Variants in CFAP299 observed in about 807,000 individuals in gnomAD.
The protein encoded by CFAP299 is cilia and flagella associated protein 299, also known as cilia- and flagella-associated protein 299.
Under a neutral mutation model 27.0 loss-of-function variants are expected in CFAP299, and 21 were observed. That is an observed-to-expected ratio of 0.78 (90% CI 0.55 to 1.12). The LOEUF is 1.12. Among genes scored for constraint, CFAP299 ranks in the 50% most tolerant of loss-of-function variants. The pLI, the probability that CFAP299 is intolerant of heterozygous loss-of-function variation, is 0.00. For synonymous variants in CFAP299, 104 were observed against 98.1 expected (o/e 1.06, Z -0.36); for missense variants, 310 against 276.6 (o/e 1.12, Z -0.86).
At chr4:80,602,972 G>T (rs1378123889) in intron 3 of CFAP299, among the ~76,000 whole-genome samples, 1 of 152,080 alleles carries the variant, frequency 6.6e-6, no homozygotes, top group Non-Finnish European at 1.5e-5. Context: ...TGCCCCCCAT[G>T]CTGTATTTGC....
intron 2 of CFAP299, among the ~76,000 whole-genome samples, chr4:80,559,286 G>GCTTTT (rs376388019): frequency 0.04 from 6,051 of 152,144 alleles, 348 homozygotes; most frequent in African/African-American, 0.13. Flanking sequence ...CTGCAAAAGT[G>GCTTTT]GAAGCTTTGA....
chr4:80,472,880 G>A (rs185156711), intron 2 of CFAP299, among the ~76,000 whole-genome samples: 6 of 152,034 alleles, frequency 3.9e-5, no homozygotes, highest in Non-Finnish European at 8.8e-5. Flanking sequence ...ATTCCTTAGC[G>A]CAGAACTCTG....
At chr4:80,434,639 T>C (rs1452198175) in intron 2 of CFAP299, among the ~76,000 whole-genome samples, 1 of 152,352 alleles carries the variant, frequency 6.6e-6, no homozygotes, top group South Asian at 2.1e-4. Context: ...GAACAAGCAC[T>C]AAACCTCTGT....
intron 3 of CFAP299, among the ~76,000 whole-genome samples, chr4:80,640,649 C>T (rs748149146): frequency 1.3e-5 from 2 of 152,108 alleles, no homozygotes; most frequent in Admixed American, 6.6e-5. Context: ...AAAGTGAACT[C>T]CAGAAGTGAC....
intron 5 of CFAP299, among the ~76,000 whole-genome samples, chr4:80,958,924 A>C (rs965289828): frequency 3.9e-5 from 6 of 152,174 alleles, no homozygotes; most frequent in Non-Finnish European, 7.3e-5. Context: ...TGGAAGAGAG[A>C]CTTCAGAGAA....
chr4:80,746,659 C>T (rs1218271942), intron 3 of CFAP299, among the ~76,000 whole-genome samples: 1 of 151,870 alleles, frequency 6.6e-6, no homozygotes, highest in Non-Finnish European at 1.5e-5. Context: ...CACCCTTGAG[C>T]AACTGACGAT....
intron 2 of CFAP299, among the ~76,000 whole-genome samples, chr4:80,378,330 T>C (rs1468087269): frequency 1.3e-5 from 2 of 152,192 alleles, no homozygotes; most frequent in African/African-American, 4.8e-5. Context: ...ATTTTTTGTG[T>C]GGTTTTGTAT....
chr4:80,682,094 A>T (rs1239367152), intron 3 of CFAP299, among the ~76,000 whole-genome samples: 1 of 152,114 alleles, frequency 6.6e-6, no homozygotes, highest in Non-Finnish European at 1.5e-5. Context: ...TTTATTTTTC[A>T]CCAAAAGTGT....
intron 2 of CFAP299, among the ~76,000 whole-genome samples, chr4:80,492,875 T>G (rs1294393195): frequency 6.6e-6 from 1 of 152,156 alleles, no homozygotes; most frequent in Non-Finnish European, 1.5e-5. Flanking sequence ...TGATGGAGAC[T>G]GTGGGATGGT....
intron 3 of CFAP299, among the ~76,000 whole-genome samples, chr4:80,787,803 A>G (rs1279180672): frequency 6.6e-6 from 1 of 151,786 alleles, no homozygotes; most frequent in Admixed American, 6.6e-5. Context: ...TATCAAACAT[A>G]TGGAGTTTTT....
At chr4:80,482,033 C>T (rs887269413) in intron 2 of CFAP299, among the ~76,000 whole-genome samples, 1 of 151,724 alleles carries the variant, frequency 6.6e-6, no homozygotes, top group Non-Finnish European at 1.5e-5. Context: ...GAAAGGATTA[C>T]TATCTAAAAC....
chr4:80,732,375 A>G (rs1578069878), intron 3 of CFAP299, among the ~76,000 whole-genome samples: 2 of 152,262 alleles, frequency 1.3e-5, no homozygotes, highest in East Asian at 1.9e-4. Flanking sequence ...TTCATTTTTA[A>G]TAATTAAGAA....
chr4:80,436,426 G>C (rs1374937636), intron 2 of CFAP299, among the ~76,000 whole-genome samples: 5 of 151,766 alleles, frequency 3.3e-5, no homozygotes, highest in Admixed American at 2.6e-4. Context: ...AGCATCCCGA[G>C]TAGCTGGGAC....
intron 2 of CFAP299, among the ~76,000 whole-genome samples, chr4:80,401,311 G>A (rs965223217): frequency 6.6e-6 from 1 of 152,174 alleles, no homozygotes; most frequent in Admixed American, 6.5e-5. Context: ...GACCCTCACA[G>A]CAGCCCCTCC....
At chr4:80,530,679 A>G (rs1295221880) in intron 2 of CFAP299, among the ~76,000 whole-genome samples, 3 of 152,336 alleles carry the variant, frequency 2.0e-5, no homozygotes, top group Admixed American at 6.5e-5. Context: ...TGTAAATGCA[A>G]TGGAGAAGAG....
intron 3 of CFAP299, among the ~76,000 whole-genome samples, chr4:80,820,235 C>G (rs1335871178): frequency 5.3e-5 from 8 of 152,008 alleles, no homozygotes; most frequent in Non-Finnish European, 1.2e-4. Context: ...AGATCAAAGG[C>G]CAGGTCTTTA....
At chr4:80,845,727 T>C (rs1265839446) in intron 3 of CFAP299, among the ~76,000 whole-genome samples, 1 of 152,164 alleles carries the variant, frequency 6.6e-6, no homozygotes, top group Non-Finnish European at 1.5e-5. Context: ...ACTTTATTGT[T>C]TTCACAGCAC....
At chr4:80,679,261 T>A (rs890051127) in intron 3 of CFAP299, among the ~76,000 whole-genome samples, 1 of 152,084 alleles carries the variant, frequency 6.6e-6, no homozygotes, top group African/African-American at 2.4e-5. Flanking sequence ...TTTACATTGA[T>A]GAGTAGTATT....
At chr4:80,459,083 A>G (rs1256303499) in intron 2 of CFAP299, among the ~76,000 whole-genome samples, 1 of 152,068 alleles carries the variant, frequency 6.6e-6, no homozygotes, top group African/African-American at 2.4e-5. Context: ...TGGGCTTAAT[A>G]GATCCTCCCA....
Sources: gnomAD v4.1 joint callset for allele counts (sites outside exome capture counted in the v4.1 genomes callset) on GRCh38, gnomAD v4.1.1 for gene constraint, MANE v1.5 for transcripts, NCBI Gene and HGNC (gene_info 2026-07-23, HGNC 2026-07-21) for gene names.